The following POU6F2 variants were observed in gnomAD, a reference collection of about 807,000 sequenced individuals.
The protein encoded by POU6F2 is POU class 6 homeobox 2, also known as POU domain, class 6, transcription factor 2.
Under a neutral mutation model 71.3 loss-of-function variants are expected in POU6F2, and 31 were observed. The ratio of observed to expected loss-of-function variants is 0.43; its 90% CI spans 0.33 to 0.59. POU6F2 has a LOEUF of 0.59. POU6F2 is among the 20% of genes least tolerant of loss of function. The pLI is 0.04. For synonymous variants in POU6F2, 347 were observed against 355.7 expected, an observed-to-expected ratio of 0.98 and a Z score of 0.27; for missense variants, 783 against 856.8, an observed-to-expected ratio of 0.91 and a Z score of 1.07.
At chr7:39,134,593 A>T (rs544187042) in intron 2 of POU6F2, among the ~76,000 whole-genome samples, 1 of 152,282 alleles carries the variant, frequency 6.6e-6, no homozygotes, top group Admixed American at 6.5e-5. Flanking sequence ...GACTACTTGT[A>T]TCTATAGCTC....
At chr7:39,259,155 A>AT (rs35355404) in intron 4 of POU6F2, among the ~76,000 whole-genome samples, 1 of 31,642 alleles carries the variant, frequency 3.2e-5, no homozygotes, top group African/African-American at 8.9e-5. Flanking sequence ...AAGACTATAG[A>AT]TATTAAGAGC....
At chr7:39,247,198 G>C (rs1783836940) in intron 4 of POU6F2, among the ~76,000 whole-genome samples, 1 of 152,106 alleles carries the variant, frequency 6.6e-6, no homozygotes, top group Admixed American at 6.5e-5. Context: ...GCCAAGCATG[G>C]TGTATCATGC....
intron 1 of POU6F2, among the ~76,000 whole-genome samples, chr7:39,041,182 G>A (rs568861530): frequency 1.7e-4 from 26 of 152,024 alleles, no homozygotes; most frequent in African/African-American, 6.3e-4. Context: ...AGTACATATA[G>A]CTTTATCTGA....
chr7:39,309,211 A>G (rs907415065), intron 4 of POU6F2, among the ~76,000 whole-genome samples: 1 of 152,222 alleles, frequency 6.6e-6, no homozygotes, highest in Non-Finnish European at 1.5e-5. Context: ...CAGGACTTGG[A>G]GAGGGTCCAA....
chr7:39,283,346 TA>T (rs1336265154), intron 4 of POU6F2, among the ~76,000 whole-genome samples: 1 of 152,010 alleles, frequency 6.6e-6, no homozygotes, highest in Non-Finnish European at 1.5e-5. Flanking sequence ...CATTCGTAAG[TA>T]ACCATCATTG....
intron 4 of POU6F2, among the ~76,000 whole-genome samples, chr7:39,286,939 CTT>C (rs57938154): frequency 0.081 from 11,841 of 146,510 alleles, 624 homozygotes; most frequent in Admixed American, 0.16. Flanking sequence ...TTTGAGGTAT[CTT>C]TTTTTTTTTT....
chr7:39,230,548 G>A (rs1161555130), intron 4 of POU6F2, among the ~76,000 whole-genome samples: 1 of 151,710 alleles, frequency 6.6e-6, no homozygotes, highest in Non-Finnish European at 1.5e-5. Flanking sequence ...GGTATGCTGA[G>A]ATAGTAATAC....
intron 1 of POU6F2, among the ~76,000 whole-genome samples, chr7:39,080,657 C>T (rs1791099089): frequency 6.6e-6 from 1 of 152,072 alleles, no homozygotes; most frequent in African/African-American, 2.4e-5. Context: ...TTGAAGCCTG[C>T]CTGTGTTATT....
intron 5 of POU6F2, among the ~76,000 whole-genome samples, chr7:39,401,088 G>C (rs1787292576): frequency 6.6e-6 from 1 of 152,174 alleles, no homozygotes; most frequent in Non-Finnish European, 1.5e-5. Flanking sequence ...GGATTTCTGT[G>C]GCTCCACCCC....
At chr7:39,296,191 T>C (rs543437990) in intron 4 of POU6F2, among the ~76,000 whole-genome samples, 4 of 152,310 alleles carry the variant, frequency 2.6e-5, no homozygotes, top group African/African-American at 9.6e-5. Flanking sequence ...TTATCTTTTG[T>C]GAGAACAAGA....
chr7:39,450,991 C>G (rs1788646975), intron 7 of POU6F2, among the ~76,000 whole-genome samples: 1 of 152,136 alleles, frequency 6.6e-6, no homozygotes, highest in South Asian at 2.1e-4. Flanking sequence ...GGATATCAGA[C>G]AGCATTTTAT....
At chr7:39,376,429 C>T (rs1583559877) in intron 5 of POU6F2, among the ~76,000 whole-genome samples, 1 of 152,106 alleles carries the variant, frequency 6.6e-6, no homozygotes, top group East Asian at 1.9e-4. Context: ...GAGAGGAGCA[C>T]TGAGGCTAGG....
At chr7:39,182,251 T>C (rs1485034670) in intron 2 of POU6F2, among the ~76,000 whole-genome samples, 2 of 152,252 alleles carry the variant, frequency 1.3e-5, no homozygotes, top group Non-Finnish European at 2.9e-5. Flanking sequence ...TTCTATTATA[T>C]ATTTTACTAT....
At chr7:39,155,226 T>A (rs1429607021) in intron 2 of POU6F2, among the ~76,000 whole-genome samples, 1 of 148,678 alleles carries the variant, frequency 6.7e-6, no homozygotes, top group African/African-American at 2.5e-5. Flanking sequence ...AAACAAATAT[T>A]TCTCTTGCTA....
At chr7:39,126,701 A>G (rs1792144731) in intron 2 of POU6F2, among the ~76,000 whole-genome samples, 1 of 152,214 alleles carries the variant, frequency 6.6e-6, no homozygotes, top group Non-Finnish European at 1.5e-5. Flanking sequence ...CCTGAAAGCT[A>G]ACACTCTCTA....
intron 7 of POU6F2, among the ~76,000 whole-genome samples, chr7:39,438,437 T>TTA (rs1428031801): frequency 2.6e-5 from 4 of 152,212 alleles, no homozygotes; most frequent in Non-Finnish European, 5.9e-5. Context: ...GCAGCATGAT[T>TTA]TATAATCATT....
chr7:39,095,417 A>G lies in POU6F2; in HGVS notation c.277+9386A>G, dbSNP rs146904824. On this transcript the variant is annotated intron_variant, in intron 2 of 9. Transcript: ENST00000518318. ...AATTATGCCTCGTGTTCTAAAAGGA[A>G]TTAATGTCTACAGCTGCCTGCTTAC... 2.2e-3 allele frequency among the ~76,000 whole-genome samples: 336 copies of G among 152,324 alleles called. 2 individuals carry two copies. The highest frequency in any genetic ancestry group is 7.5e-3 in the African/African-American group (314 of 41,590).
chr7:39,293,511 G>A (rs1179754246), intron 4 of POU6F2, among the ~76,000 whole-genome samples: 1 of 151,972 alleles, frequency 6.6e-6, no homozygotes, highest in African/African-American at 2.4e-5. Flanking sequence ...TTTGTTGTCC[G>A]GCTCTTCCTT....
At chr7:39,326,333 T>A (rs1443218680) in intron 4 of POU6F2, among the ~76,000 whole-genome samples, 1 of 152,222 alleles carries the variant, frequency 6.6e-6, no homozygotes, top group Non-Finnish European at 1.5e-5. Flanking sequence ...GAGAGTCCCA[T>A]TGTTTCTGCC....
Sources: allele counts gnomAD v4.1 joint callset (sites outside exome capture counted in the v4.1 genomes callset), GRCh38; gene constraint gnomAD v4.1.1; transcripts MANE v1.5; gene names NCBI Gene and HGNC (gene_info 2026-07-23, HGNC 2026-07-21).